LYN: variants seen among roughly 807,000 people sequenced by gnomAD.
LYN encodes LYN proto-oncogene, Src family tyrosine kinase.
A neutral mutation model predicts 65.0 loss-of-function variants in LYN; 12 were observed. The observed-to-expected ratio is 0.18, with a 90% CI of 0.12 to 0.30. The LOEUF (loss-of-function observed/expected upper bound fraction) is 0.30, where lower values mean the gene tolerates loss of function less well. LYN is among the 10% of genes least tolerant of loss of function. The pLI is 1.00. For synonymous variants in LYN, 222 were observed against 221.2 expected (o/e 1.00, Z -0.03); for missense variants, 380 against 623.2 (o/e 0.61, Z 4.16).
At chr8:56,005,730 A>G (rs1267626935) in intron 12 of LYN, among the ~76,000 whole-genome samples, 2 of 152,196 alleles carry the variant, frequency 1.3e-5, no homozygotes, top group Non-Finnish European at 2.9e-5. Flanking sequence ...AAAGATCTTT[A>G]CTTCATTATC....
At chr8:55,957,215 A>T (rs1807143694) in intron 8 of LYN, among the ~76,000 whole-genome samples, 1 of 152,210 alleles carries the variant, frequency 6.6e-6, no homozygotes, top group African/African-American at 2.4e-5. Flanking sequence ...GAAGAATGAG[A>T]TTATGCACCT....
At chr8:55,923,707 T>C (rs1806008368) in intron 1 of LYN, among the ~76,000 whole-genome samples, 1 of 152,040 alleles carries the variant, frequency 6.6e-6, no homozygotes. Context: ...ACCCACCTGA[T>C]TTTTGTATTT....
intron 1 of LYN, among the ~76,000 whole-genome samples, chr8:55,921,833 A>G (rs933410341): frequency 6.6e-6 from 1 of 152,204 alleles, no homozygotes; most frequent in African/African-American, 2.4e-5. Context: ...AATGTTTAAA[A>G]TGTATTGAGC....
intron 1 of LYN, among the ~76,000 whole-genome samples, chr8:55,906,045 C>G (rs193157577): frequency 6.6e-6 from 1 of 152,170 alleles, no homozygotes; most frequent in African/African-American, 2.4e-5. Context: ...TTTTTCCATA[C>G]AGTAGTTCAT....
chr8:55,884,596 C>T (rs1039983480), intron 1 of LYN, among the ~76,000 whole-genome samples: 3 of 152,056 alleles, frequency 2.0e-5, no homozygotes, highest in Non-Finnish European at 4.4e-5. Flanking sequence ...GCTGTGATTA[C>T]AGGCGCCCGC....
chr8:55,989,427 C>T lies in LYN; in HGVS notation c.1051-8919C>T, dbSNP rs184903265. Among the ~76,000 whole-genome samples, 272 of 152,330 alleles carry T rather than the reference C, an allele frequency of 1.8e-3. 1 individual carries two copies. The highest frequency in any genetic ancestry group is 2.5e-3 in the Non-Finnish European group (170 of 68,032). On this transcript the variant is annotated intron_variant, in intron 10 of 12. Transcript: ENST00000519728. Reference sequence around the variant, plus strand: ...CCATCTCTGGTGTGGTCATAGGCAACCCACTTCTCAGTGGGTGTGTTTGAT... The same window carrying T: ...CCATCTCTGGTGTGGTCATAGGCAATCCACTTCTCAGTGGGTGTGTTTGAT...
chr8:55,933,211 A>G (rs1427559889), intron 1 of LYN, among the ~76,000 whole-genome samples: 1 of 152,240 alleles, frequency 6.6e-6, no homozygotes, highest in Non-Finnish European at 1.5e-5. Context: ...TGTTAAAACT[A>G]TCCCATCTAA....
chr8:55,935,498 G>T (rs1459536927), intron 1 of LYN, among the ~76,000 whole-genome samples: 3 of 152,238 alleles, frequency 2.0e-5, no homozygotes, highest in Admixed American at 6.5e-5. Flanking sequence ...TAGGTGCTGG[G>T]TGCAGTGGCT....
intron 10 of LYN, among the ~76,000 whole-genome samples, chr8:55,981,689 A>G (rs1055426407): frequency 6.6e-6 from 1 of 152,168 alleles, no homozygotes; most frequent in Non-Finnish European, 1.5e-5. Context: ...TTTCTGAGTC[A>G]TTATTCAGGT....
chr8:55,936,476 C>T (rs548712729), intron 1 of LYN, among the ~76,000 whole-genome samples: 59 of 152,272 alleles, frequency 3.9e-4, no homozygotes, highest in Middle Eastern at 3.4e-3. Flanking sequence ...CCTGTCTCTA[C>T]TAAAAACACA....
rs1351662461 is a variant in LYN at position 55,911,257 on chromosome 8, G to GTGTATA, written c.-5-30597_-5-30596insGTATAT. 7.2e-4 allele frequency among the ~76,000 whole-genome samples: 6 copies of GTGTATA among 8,324 alleles called. 1 individual carries two copies. Among genetic ancestry groups the GTGTATA allele is most frequent in the Non-Finnish European group, 1.3e-3 (5 of 3,848 alleles). The allele number at this position is 8,324 out of a possible 152,430, so 5.5% of individuals were successfully genotyped here. On this transcript the variant is annotated intron_variant, in intron 1 of 12. Coordinates refer to ENST00000519728, the MANE Select transcript of LYN (RefSeq NM_002350.4). The stretch of plus-strand genomic sequence containing the variant: ...TACATATATATATACGTGTGTGTGT[G>GTGTATA]TATATATATATATATATATATATAT...
chr8:55,911,237 A>G (rs1805621658), intron 1 of LYN, among the ~76,000 whole-genome samples: 1 of 34,192 alleles, frequency 2.9e-5, no homozygotes, highest in African/African-American at 8.7e-5. Flanking sequence ...ACATATACAT[A>G]TATATATACG....
intron 1 of LYN, among the ~76,000 whole-genome samples, chr8:55,900,508 GA>G (rs1421904271): frequency 1.3e-5 from 2 of 151,126 alleles, no homozygotes; most frequent in African/African-American, 4.9e-5. Flanking sequence ...GAGTAGCTGA[GA>G]CTTCAGAGTC....
At chr8:55,890,547 G>A (rs1174048738) in intron 1 of LYN, among the ~76,000 whole-genome samples, 3 of 152,096 alleles carry the variant, frequency 2.0e-5, no homozygotes, top group Non-Finnish European at 2.9e-5. Context: ...ATTAGACATA[G>A]AATTGCCATA....
intron 1 of LYN, among the ~76,000 whole-genome samples, chr8:55,906,643 C>T (rs530700896): frequency 1.3e-5 from 2 of 151,804 alleles, no homozygotes; most frequent in South Asian, 2.1e-4. Flanking sequence ...AGGCGTGAGC[C>T]ATCACGCCTG....
Position 56,012,065 on chromosome 8 carries a change from AT to A in LYN, c.*1959del. On this transcript the variant is annotated 3_prime_UTR_variant, in exon 13 of 13. Coordinates refer to ENST00000519728, the MANE Select transcript of LYN (RefSeq NM_002350.4). ...TCTCCCAGTTCCTCCTCTTCTTGCC[AT>A]TTTCCACTTGTCTTTCCCTCCCAAT... 5.3e-6 allele frequency: 1 copy of A among 190,472 alleles called. No homozygotes were observed. Among genetic ancestry groups the A allele is most frequent in the Non-Finnish European group, 1.1e-5 (1 of 91,164 alleles). The allele number at this position is 190,472 out of a possible 1,614,324, so 11.8% of individuals were successfully genotyped here. A position where few individuals can be genotyped will look rare whatever the true frequency, so the allele number is the denominator to read the frequency against.
chr8:55,912,650 C>T (rs920054311), intron 1 of LYN, among the ~76,000 whole-genome samples: 5 of 151,436 alleles, frequency 3.3e-5, no homozygotes, highest in Non-Finnish European at 5.9e-5. Context: ...TCTCTTGAAC[C>T]TGGGAGGCAG....
chr8:56,009,471 A>C (rs1808757156), intron 12 of LYN, among the ~76,000 whole-genome samples: 1 of 152,272 alleles, frequency 6.6e-6, no homozygotes, highest in South Asian at 2.1e-4. Flanking sequence ...GGGGTTCTGG[A>C]GTTTCAAAGT....
At chr8:55,936,622 A>G (rs1362146004) in intron 1 of LYN, among the ~76,000 whole-genome samples, 1 of 152,030 alleles carries the variant, frequency 6.6e-6, no homozygotes. Flanking sequence ...CCTGGGTGAC[A>G]GAGTGAGACT....
Sources: allele counts gnomAD v4.1 joint callset (sites outside exome capture counted in the v4.1 genomes callset), GRCh38; gene constraint gnomAD v4.1.1; transcripts MANE v1.5; gene names NCBI Gene and HGNC (gene_info 2026-07-23, HGNC 2026-07-21).